The following SPATA16 variants were observed in gnomAD, a reference collection of about 807,000 sequenced individuals.
SPATA16 encodes the protein spermatogenesis associated 16, also known as spermatogenesis-associated protein 16.
A neutral mutation model predicts 63.3 loss-of-function variants in SPATA16; 36 were observed. The observed-to-expected ratio is 0.57, with a 90% CI of 0.44 to 0.75. The LOEUF is 0.75. Ranked by LOEUF, SPATA16 falls within the 30% of genes least tolerant of loss-of-function variation. The pLI, the probability that SPATA16 is intolerant of heterozygous loss-of-function variation, is 0.00. For synonymous variants in SPATA16, 203 were observed against 216.7 expected (o/e 0.94, Z 0.56); for missense variants, 646 against 679.3 (o/e 0.95, Z 0.54).
At chr3:173,024,466 A>T (rs142078357) in intron 3 of SPATA16, among the ~76,000 whole-genome samples, 1 of 151,046 alleles carries the variant, frequency 6.6e-6, no homozygotes, top group East Asian at 2.0e-4. Flanking sequence ...TATTCTTTGA[A>T]TCTATCAAAA....
chr3:173,041,216 AT>A (rs1309473298), intron 3 of SPATA16, among the ~76,000 whole-genome samples: 1 of 152,188 alleles, frequency 6.6e-6, no homozygotes, highest in African/African-American at 2.4e-5. Context: ...TATCTTTAAA[AT>A]AGCAATGCCA....
chr3:173,056,434 G>A (rs1736224011), intron 2 of SPATA16, among the ~76,000 whole-genome samples: 1 of 152,118 alleles, frequency 6.6e-6, no homozygotes, highest in Admixed American at 6.5e-5. Context: ...CGGGCGCAGT[G>A]GCTCACGCCT....
intron 2 of SPATA16, among the ~76,000 whole-genome samples, chr3:173,083,356 T>A (rs780908783): frequency 1.3e-5 from 2 of 152,116 alleles, no homozygotes; most frequent in Non-Finnish European, 1.5e-5. Context: ...AATAGTTATA[T>A]CACATTGATA....
intron 10 of SPATA16, among the ~76,000 whole-genome samples, 199 bp from the exon 11 acceptor site, chr3:172,889,891 A>C (rs1731858936): frequency 6.6e-6 from 1 of 152,174 alleles, no homozygotes; most frequent in Admixed American, 6.6e-5. Context: ...AACTTAACAC[A>C]AAGCAGAAGT....
intron 8 of SPATA16, among the ~76,000 whole-genome samples, chr3:172,922,448 A>G (rs912720737): frequency 5.9e-5 from 9 of 152,228 alleles, no homozygotes; most frequent in African/African-American, 1.9e-4. Flanking sequence ...TGTCTAAACA[A>G]ATTTCCAAAT....
chr3:173,060,223 C>G (rs985008430), intron 2 of SPATA16, among the ~76,000 whole-genome samples: 1 of 152,134 alleles, frequency 6.6e-6, no homozygotes, highest in Non-Finnish European at 1.5e-5. Flanking sequence ...TGCCATTGCA[C>G]TCCAGCCCAG....
intron 5 of SPATA16, among the ~76,000 whole-genome samples, chr3:172,969,172 C>T: frequency 6.6e-6 from 1 of 152,068 alleles, no homozygotes; most frequent in African/African-American, 2.4e-5. Context: ...ATGTGAAGTA[C>T]ACAGGAAAAT....
intron 3 of SPATA16, among the ~76,000 whole-genome samples, chr3:173,042,973 TAAC>T (rs1735877751): frequency 1.3e-5 from 2 of 152,284 alleles, no homozygotes; most frequent in Admixed American, 1.3e-4. Flanking sequence ...ACTTTGGTAA[TAAC>T]ACAGCAAAAT....
At chr3:173,070,524 C>G (rs1736646070) in intron 2 of SPATA16, among the ~76,000 whole-genome samples, 1 of 151,788 alleles carries the variant, frequency 6.6e-6, no homozygotes, top group South Asian at 2.1e-4. Context: ...AGAAATCAAA[C>G]TAGCCTTAGT....
At position 173,136,841 on chromosome 3, in the gene SPATA16, G is replaced by A. The variant is rs75817932; in HGVS notation, c.-19+4262C>T. On this transcript the variant is annotated intron_variant, in intron 1 of 10. Transcript: ENST00000351008. Reference sequence around the variant, plus strand: ...AGAAGAAGGGTCTCAAGAGAGGCCAGTGGGAACCAGAGAAGACAGTGACTC... The same window carrying A: ...AGAAGAAGGGTCTCAAGAGAGGCCAATGGGAACCAGAGAAGACAGTGACTC... Among the ~76,000 whole-genome samples the A allele has an allele frequency of 4.4e-3, 675 of 152,250 alleles. 3 individuals are homozygous for A. Among genetic ancestry groups the A allele is most frequent in the African/African-American group, 0.016 (647 of 41,532 alleles).
At chr3:173,022,451 C>G (rs1449808023) in intron 3 of SPATA16, among the ~76,000 whole-genome samples, 1 of 152,098 alleles carries the variant, frequency 6.6e-6, no homozygotes, top group Admixed American at 6.6e-5. Context: ...TTATTTTTGA[C>G]TTTTATAATT....
intron 10 of SPATA16, among the ~76,000 whole-genome samples, chr3:172,905,974 G>T (rs1270125792): frequency 6.6e-6 from 1 of 152,150 alleles, no homozygotes; most frequent in Admixed American, 6.6e-5. Flanking sequence ...AGCAGAACAA[G>T]ACAATACTGT....
At chr3:173,116,354 A>C (rs1195423052) in intron 2 of SPATA16, among the ~76,000 whole-genome samples, 1 of 152,246 alleles carries the variant, frequency 6.6e-6, no homozygotes, top group Non-Finnish European at 1.5e-5. Context: ...TTTGTAAAAT[A>C]AAATACGAAA....
rs73032634 is a variant in SPATA16, at chr3:173,138,101, G to T, written c.-19+3002C>A. Among the ~76,000 whole-genome samples, 1,342 of 151,748 alleles carry T rather than the reference G, an allele frequency of 8.8e-3. 18 individuals carry two copies. The highest frequency in any genetic ancestry group is 0.031 in the African/African-American group (1,269 of 41,348). ...TTAAATGCATACTTTTTTTCTTGGT[G>T]GGGGGGTGATAATGCAATGTCTTCT... On this transcript the variant is annotated intron_variant, in intron 1 of 10. Coordinates refer to ENST00000351008, the MANE Select transcript of SPATA16 (RefSeq NM_031955.6).
chr3:173,115,798 T>G (rs1470188270), intron 2 of SPATA16, among the ~76,000 whole-genome samples: 1 of 152,200 alleles, frequency 6.6e-6, no homozygotes, highest in Non-Finnish European at 1.5e-5. Context: ...AATAATACTT[T>G]ACTCTTTACA....
chr3:172,953,423 G>GT (rs1733499326), intron 6 of SPATA16, among the ~76,000 whole-genome samples: 1 of 152,200 alleles, frequency 6.6e-6, no homozygotes, highest in African/African-American at 2.4e-5. Flanking sequence ...GATTTATTGA[G>GT]TAAGACTCAG....
At chr3:173,096,762 A>G (rs1276592454) in intron 2 of SPATA16, among the ~76,000 whole-genome samples, 2 of 152,138 alleles carry the variant, frequency 1.3e-5, no homozygotes, top group East Asian at 3.9e-4. Flanking sequence ...GCAAAATGAC[A>G]TGTGTACAAG....
intron 3 of SPATA16, among the ~76,000 whole-genome samples, chr3:173,039,748 T>C (rs761132192): frequency 2.0e-5 from 3 of 152,086 alleles, no homozygotes; most frequent in Non-Finnish European, 4.4e-5. Context: ...GGGTAGAAGA[T>C]AAAATGTCTG....
At chr3:172,984,880 A>G (rs1416459103) in intron 4 of SPATA16, among the ~76,000 whole-genome samples, 1 of 152,240 alleles carries the variant, frequency 6.6e-6, no homozygotes, top group African/African-American at 2.4e-5. Flanking sequence ...CTGAGAGCTT[A>G]TCATGTACAT....
Sources: gnomAD v4.1 joint callset for allele counts (sites outside exome capture counted in the v4.1 genomes callset) on GRCh38, gnomAD v4.1.1 for gene constraint, MANE v1.5 for transcripts, NCBI Gene and HGNC (gene_info 2026-07-23, HGNC 2026-07-21) for gene names.